Variants in ZNF407 observed in about 807,000 individuals in gnomAD.
The protein encoded by ZNF407 is zinc finger protein 407.
A neutral mutation model predicts 131.2 loss-of-function variants in ZNF407; 17 were observed. That is an observed-to-expected ratio of 0.13 (90% CI 0.09 to 0.19). The LOEUF is 0.19. Ranked by LOEUF, ZNF407 falls within the 10% of genes least tolerant of loss-of-function variation. The probability of loss-of-function intolerance (pLI) is 1.00; values close to 1 mark genes in which losing one functional copy is unlikely to be tolerated. For missense variants in ZNF407, 2,681 were observed against 2,830.6 expected (o/e 0.95, Z 1.20); for synonymous variants, 1,156 against 1,062.0 (o/e 1.09, Z -1.72).
intron 3 of ZNF407, among the ~76,000 whole-genome samples, chr18:74,699,940 C>T (rs938702383): frequency 2.6e-5 from 4 of 151,824 alleles, no homozygotes; most frequent in Non-Finnish European, 5.9e-5. Context: ...TAAAGTTGCC[C>T]CTAAAATGTG....
intron 7 of ZNF407, among the ~76,000 whole-genome samples, chr18:74,900,266 A>G (rs1023430954): frequency 3.3e-5 from 5 of 152,142 alleles, no homozygotes; most frequent in Admixed American, 2.0e-4. Flanking sequence ...CTCTCTGCAC[A>G]TGGAGAACTG....
intron 8 of ZNF407, among the ~76,000 whole-genome samples, chr18:74,935,333 G>T (rs564777089): frequency 6.6e-6 from 1 of 152,238 alleles, no homozygotes; most frequent in Non-Finnish European, 1.5e-5. Flanking sequence ...TGGTAACTAA[G>T]TATTTATTGA....
chr18:74,831,726 G>A (rs1970486102), intron 4 of ZNF407, among the ~76,000 whole-genome samples: 1 of 152,064 alleles, frequency 6.6e-6, no homozygotes, highest in Admixed American at 6.5e-5. Context: ...CCCATCCGTC[G>A]ATGCCACGTG....
rs183474929 is a variant in ZNF407, at chr18:75,060,892, C to T, written c.5429-2258C>T. 7.9e-5 allele frequency among the ~76,000 whole-genome samples: 12 copies of T among 152,330 alleles called. No homozygotes were observed. In the East Asian group the frequency reaches 2.3e-3, roughly 29 times the overall value. On this transcript the variant is annotated intron_variant, in intron 8 of 8. Transcript: ENST00000299687. ...GAGAAAGAAGATATATTAATTAGTA[C>T]TTATCAGTTAATTAATACTTTCAAA...
At chr18:74,797,406 G>A (rs1394506362) in intron 4 of ZNF407, among the ~76,000 whole-genome samples, 2 of 152,176 alleles carry the variant, frequency 1.3e-5, no homozygotes, top group Admixed American at 6.5e-5. Context: ...GACCTGCCTC[G>A]CTTTGGCAAC....
rs1972216956 is a variant in ZNF407, at chr18:74,951,760, A to G, written c.5428+31068A>G. 2.0e-5 allele frequency among the ~76,000 whole-genome samples: 3 copies of G among 152,104 alleles called. No individual in the cohort carries two copies. In the South Asian group the frequency reaches 6.2e-4, roughly 32 times the overall value. On this transcript the variant is annotated intron_variant, in intron 8 of 8. Transcript: ENST00000299687. ...GTCTGTGTGTTTTTTATGGGTATTAATTTTTAGAAATAACTTACTTTCTAA... is the reference window on the plus strand; with the variant it reads ...GTCTGTGTGTTTTTTATGGGTATTAGTTTTTAGAAATAACTTACTTTCTAA...
intron 1 of ZNF407, among the ~76,000 whole-genome samples, chr18:74,610,296 A>G (rs964821108): frequency 6.6e-6 from 1 of 152,164 alleles, no homozygotes; most frequent in Non-Finnish European, 1.5e-5. Flanking sequence ...CATTAGCTTT[A>G]CTTTTAACCA....
intron 5 of ZNF407, among the ~76,000 whole-genome samples, chr18:74,879,452 C>T (rs886533314): frequency 6.6e-5 from 10 of 152,066 alleles, no homozygotes; most frequent in Admixed American, 2.0e-4. Flanking sequence ...TTTGCCTCAA[C>T]ATAGAAAACT....
intron 6 of ZNF407, among the ~76,000 whole-genome samples, chr18:74,888,585 A>G (rs1320442398): frequency 6.6e-6 from 1 of 152,236 alleles, no homozygotes; most frequent in Non-Finnish European, 1.5e-5. Context: ...TTCAAAAAGT[A>G]GATTCACATT....
intron 3 of ZNF407, among the ~76,000 whole-genome samples, chr18:74,647,674 A>T (rs1985034295): frequency 6.6e-6 from 1 of 152,138 alleles, no homozygotes; most frequent in African/African-American, 2.4e-5. Flanking sequence ...AAATGCAGAT[A>T]GAAGGGAGGC....
In ZNF407 at chr18:75,064,191, A is replaced by G; in HGVS notation, c.6470A>G (p.Gln2157Arg). The change falls in exon 9 of 9, where the codon CAG becomes CGG. Residue 2157 changes from glutamine (Q) to arginine (R), a missense_variant. By Grantham distance (43) the Gln-to-Arg change is conservative. Coordinates refer to ENST00000299687, the MANE Select transcript of ZNF407 (RefSeq NM_017757.3). Reference sequence around the variant, plus strand: ...GAGGAGCTGGTCCAGGCCATGGTGCAGGAGTCCAGTGGCGGCTTCTCCGAG... The same window carrying G: ...GAGGAGCTGGTCCAGGCCATGGTGCGGGAGTCCAGTGGCGGCTTCTCCGAG... Reference protein sequence around the residue: ...VTEELVQAMVQESSGGFSEGT... With the variant: ...VTEELVQAMVRESSGGFSEGT... 6.2e-7 allele frequency: 1 copy of G among 1,604,790 alleles called. No individual in the cohort carries two copies.
chr18:74,886,128 A>C (rs933414402), intron 6 of ZNF407, among the ~76,000 whole-genome samples: 8 of 152,336 alleles, frequency 5.3e-5, no homozygotes, highest in Middle Eastern at 6.8e-3. Context: ...AATTCTGAGA[A>C]AACAACCTTT....
Position 74,974,063 on chromosome 18 carries a change from A to G in ZNF407, c.5428+53371A>G, listed in dbSNP as rs1304310289. Among the ~76,000 whole-genome samples the G allele has an allele frequency of 7.2e-5, 11 of 152,336 alleles. No individual in the cohort carries two copies. In the South Asian group the frequency reaches 8.3e-4, roughly 11 times the overall value. On this transcript the variant is annotated intron_variant, in intron 8 of 8. Coordinates refer to ENST00000299687, the MANE Select transcript of ZNF407 (RefSeq NM_017757.3). ...TGACATATGGCAATTCAATTAATTT[A>G]TCATAGTATATATAAGTATTCAGAT...
At chr18:74,604,797 A>C (rs1226204083) in intron 1 of ZNF407, among the ~76,000 whole-genome samples, 3 of 152,158 alleles carry the variant, frequency 2.0e-5, no homozygotes, top group African/African-American at 7.2e-5. Context: ...AAATCTTTTG[A>C]GGTATATACT....
chr18:75,032,571 G>A (rs573442617), intron 8 of ZNF407, among the ~76,000 whole-genome samples: 3 of 152,188 alleles, frequency 2.0e-5, no homozygotes, highest in East Asian at 1.9e-4. Context: ...CTGGCTGCAC[G>A]ATCAGAGTTT....
chr18:74,674,155 TC>T (rs1372283595), intron 3 of ZNF407, among the ~76,000 whole-genome samples: 1 of 152,236 alleles, frequency 6.6e-6, no homozygotes, highest in Non-Finnish European at 1.5e-5. Flanking sequence ...TTTTAACCCT[TC>T]CATGGTTGCT....
intron 8 of ZNF407, among the ~76,000 whole-genome samples, chr18:75,017,420 C>T (rs1226819156): frequency 6.6e-6 from 1 of 152,054 alleles, no homozygotes; most frequent in Non-Finnish European, 1.5e-5. Context: ...CCCTGCCTGT[C>T]TTGTAGGAGG....
At chr18:74,794,217 T>A (rs1343232210) in intron 4 of ZNF407, among the ~76,000 whole-genome samples, 2 of 152,184 alleles carry the variant, frequency 1.3e-5, no homozygotes, top group Non-Finnish European at 2.9e-5. Context: ...GATGTCAGCG[T>A]CTTCACGTGT....
chr18:75,034,898 C>T (rs1200406357), intron 8 of ZNF407, among the ~76,000 whole-genome samples: 1 of 152,124 alleles, frequency 6.6e-6, no homozygotes, highest in Admixed American at 6.6e-5. Flanking sequence ...GCTTGGTTTG[C>T]TGTTTTCTTC....
Sources: allele counts gnomAD v4.1 joint callset (sites outside exome capture counted in the v4.1 genomes callset), GRCh38; gene constraint gnomAD v4.1.1; transcripts MANE v1.5; gene names NCBI Gene and HGNC (gene_info 2026-07-23, HGNC 2026-07-21).